CTNND2: variants seen among roughly 807,000 people sequenced by gnomAD.
The protein encoded by CTNND2 is catenin delta 2, also known as catenin delta-2.
Under a neutral mutation model 144.4 loss-of-function variants are expected in CTNND2, and 22 were observed. That is an observed-to-expected ratio of 0.15 (90% CI 0.11 to 0.22). CTNND2 has a LOEUF of 0.22. Among genes scored for constraint, CTNND2 ranks in the 10% least tolerant of loss-of-function variants. The pLI is 1.00. For missense variants in CTNND2, 1,353 were observed against 1,618.8 expected (o/e 0.84, Z 2.82); for synonymous variants, 751 against 695.6 (o/e 1.08, Z -1.25).
intron 9 of CTNND2, among the ~76,000 whole-genome samples, chr5:11,282,264 C>T (rs1365202764): frequency 6.6e-6 from 1 of 152,124 alleles, no homozygotes; most frequent in Non-Finnish European, 1.5e-5. Context: ...TCTAAGCTTC[C>T]TACCACAGCA....
At chr5:11,440,297 T>C (rs759111234) in intron 3 of CTNND2, among the ~76,000 whole-genome samples, 6 of 152,214 alleles carry the variant, frequency 3.9e-5, no homozygotes, top group Non-Finnish European at 8.8e-5. Flanking sequence ...TTTCACCTTA[T>C]CTTAAACTCA....
intron 3 of CTNND2, among the ~76,000 whole-genome samples, chr5:11,508,125 G>A (rs1243044681): frequency 6.6e-6 from 1 of 152,120 alleles, no homozygotes; most frequent in Non-Finnish European, 1.5e-5. Flanking sequence ...ATGAAACAAT[G>A]TTCTCCTATC....
chr5:11,636,760 T>C (rs1173026128), intron 2 of CTNND2, among the ~76,000 whole-genome samples: 1 of 152,210 alleles, frequency 6.6e-6, no homozygotes, highest in African/African-American at 2.4e-5. Flanking sequence ...AGCAGATCTA[T>C]TTATCAATAC....
chr5:11,586,318 C>A (rs1388327703), intron 2 of CTNND2, among the ~76,000 whole-genome samples: 4 of 152,280 alleles, frequency 2.6e-5, no homozygotes, highest in Admixed American at 2.6e-4. Context: ...ACATCTGGAT[C>A]CCACCAGACT....
chr5:11,668,387 T>C (rs1390481067), intron 2 of CTNND2, among the ~76,000 whole-genome samples: 1 of 152,260 alleles, frequency 6.6e-6, no homozygotes. Context: ...TGATTCTTCC[T>C]ATCCACGAGC....
chr5:11,771,510 AAGTC>A (rs1789934435), intron 1 of CTNND2, among the ~76,000 whole-genome samples: 1 of 152,212 alleles, frequency 6.6e-6, no homozygotes, highest in African/African-American at 2.4e-5. Flanking sequence ...ATTTAGAGAA[AAGTC>A]AATGTTAAAG....
At chr5:11,099,207 C>A (rs960934721) in intron 14 of CTNND2, among the ~76,000 whole-genome samples, 1 of 152,150 alleles carries the variant, frequency 6.6e-6, no homozygotes, top group Admixed American at 6.5e-5. Flanking sequence ...GTGATAAACT[C>A]CTATATAATT....
At chr5:11,396,269 G>C (rs139774575) in intron 6 of CTNND2, among the ~76,000 whole-genome samples, 1 of 152,044 alleles carries the variant, frequency 6.6e-6, no homozygotes, top group Non-Finnish European at 1.5e-5. Flanking sequence ...TAACTCTGGC[G>C]TGATGATCAA....
chr5:11,052,073 G>A (rs1310352028), intron 16 of CTNND2, among the ~76,000 whole-genome samples: 1 of 152,134 alleles, frequency 6.6e-6, no homozygotes, highest in Admixed American at 6.5e-5. Context: ...AGTCCATCAT[G>A]CTTTCCATAT....
At chr5:11,059,653 A>G (rs1331135113) in intron 16 of CTNND2, among the ~76,000 whole-genome samples, 2 of 152,208 alleles carry the variant, frequency 1.3e-5, no homozygotes, top group Non-Finnish European at 1.5e-5. Context: ...AGGCAGAATC[A>G]CCATGATTTC....
At chr5:11,432,124 T>TTA (rs576926983) in intron 3 of CTNND2, among the ~76,000 whole-genome samples, 111 of 135,986 alleles carry the variant, frequency 8.2e-4, no homozygotes, top group African/African-American at 3.5e-3. Context: ...GTTGAGGCTT[T>TTA]TTTTTTTTTT....
intron 1 of CTNND2, among the ~76,000 whole-genome samples, chr5:11,787,792 A>G (rs549609446): frequency 2.1e-4 from 32 of 152,318 alleles, no homozygotes; most frequent in African/African-American, 7.5e-4. Context: ...TAGTAGGTAA[A>G]GATAAAATAG....
chr5:10,995,674 G>A (rs765708873), intron 18 of CTNND2, among the ~76,000 whole-genome samples: 4 of 152,160 alleles, frequency 2.6e-5, no homozygotes, highest in Non-Finnish European at 4.4e-5. Context: ...GTGCTGATGG[G>A]AATGACTGAA....
chr5:11,628,077 G>A (rs1426269351), intron 2 of CTNND2, among the ~76,000 whole-genome samples: 1 of 151,940 alleles, frequency 6.6e-6, no homozygotes, highest in South Asian at 2.1e-4. Flanking sequence ...CCCAGGGGTT[G>A]GGGACCCTTG....
At position 11,384,175 on chromosome 5, in the gene CTNND2, C is replaced by G. The variant is rs1758803001; in HGVS notation, c.1177+490G>C. Among the ~76,000 whole-genome samples the G allele has an allele frequency of 6.6e-6, 1 of 152,286 alleles. No homozygotes were observed. The highest frequency in any genetic ancestry group is 2.1e-4 in the South Asian group (1 of 4,818). On this transcript the variant is annotated intron_variant, in intron 7 of 21. Coordinates refer to ENST00000304623, the MANE Select transcript of CTNND2 (RefSeq NM_001332.4). This position sits in a 1 kb window ranked among gnomAD's most constrained non-coding sequence, Gnocchi z 5.2. ...AAAAGGGTAATAATTCAAGGCAATT[C>G]ATTATTAATTATTTCCCCACTACTA...
At chr5:11,098,164 G>A (rs1451000576) in intron 15 of CTNND2, among the ~76,000 whole-genome samples, 9 of 152,072 alleles carry the variant, frequency 5.9e-5, no homozygotes, top group African/African-American at 1.9e-4. Context: ...TTGGGGCTGG[G>A]ACCCGGTACA....
intron 2 of CTNND2, among the ~76,000 whole-genome samples, chr5:11,653,524 G>A (rs1467742468): frequency 6.6e-6 from 1 of 152,008 alleles, no homozygotes; most frequent in Admixed American, 6.6e-5. Context: ...TTGGTCATTT[G>A]TATGTCTTCC....
At chr5:11,359,321 A>C (rs1034000055) in intron 8 of CTNND2, among the ~76,000 whole-genome samples, 9 of 152,182 alleles carry the variant, frequency 5.9e-5, no homozygotes, top group Admixed American at 5.2e-4. Context: ...TATTAGGGGG[A>C]TGGTCATGTA....
At chr5:11,811,522 AGG>A (rs1792332820) in intron 1 of CTNND2, among the ~76,000 whole-genome samples, 1 of 152,208 alleles carries the variant, frequency 6.6e-6, no homozygotes, top group Non-Finnish European at 1.5e-5. Flanking sequence ...GATATTGTAA[AGG>A]TGTCAAAATT....
Sources: gnomAD v4.1 joint callset for allele counts (sites outside exome capture counted in the v4.1 genomes callset) on GRCh38, gnomAD v4.1.1 for gene constraint, Gnocchi (gnomAD v3.1) non-coding constraint, MANE v1.5 for transcripts, NCBI Gene and HGNC (gene_info 2026-07-23, HGNC 2026-07-21) for gene names.